Variants in SESTD1 observed in about 807,000 individuals in gnomAD.
The protein encoded by SESTD1 is SEC14 and spectrin domain containing 1.
A neutral mutation model predicts 101.7 loss-of-function variants in SESTD1; 43 were observed. The observed-to-expected ratio is 0.42, with a 90% CI of 0.33 to 0.55. The LOEUF (loss-of-function observed/expected upper bound fraction) is 0.55, where lower values mean the gene tolerates loss of function less well. Ranked by LOEUF, SESTD1 falls within the 20% of genes least tolerant of loss-of-function variation. The pLI is 0.07. For synonymous variants in SESTD1, 283 were observed against 286.8 expected (o/e 0.99, Z 0.13); for missense variants, 647 against 815.1 (o/e 0.79, Z 2.51).
intron 1 of SESTD1, among the ~76,000 whole-genome samples, chr2:179,198,711 T>C (rs1350241657): frequency 6.6e-6 from 1 of 151,358 alleles, no homozygotes; most frequent in Non-Finnish European, 1.5e-5. Context: ...GACTACTGGG[T>C]ACATAACGAA....
chr2:179,244,888 G>A (rs1484718302), intron 1 of SESTD1, among the ~76,000 whole-genome samples: 1 of 152,170 alleles, frequency 6.6e-6, no homozygotes, highest in Non-Finnish European at 1.5e-5. Context: ...TATTACAAAT[G>A]GGGTAAAGAG....
intron 1 of SESTD1, among the ~76,000 whole-genome samples, chr2:179,196,140 G>A (rs28838656): frequency 0.28 from 43,256 of 152,156 alleles, 6,429 homozygotes; most frequent in South Asian, 0.43. Flanking sequence ...ATTGCCTCAC[G>A]CAGGAAGCGC....
At chr2:179,160,761 A>C (rs2045720200) in intron 5 of SESTD1, among the ~76,000 whole-genome samples, 1 of 151,954 alleles carries the variant, frequency 6.6e-6, no homozygotes, top group Admixed American at 6.6e-5. Flanking sequence ...CTAAATCACT[A>C]TTTCCCAGTT....
chr2:179,257,229 A>AT (rs2047410890), intron 1 of SESTD1, among the ~76,000 whole-genome samples: 1 of 152,132 alleles, frequency 6.6e-6, no homozygotes. Flanking sequence ...TGAAAAAAAA[A>AT]GAAAAAGGCA....
chr2:179,154,155 T>C (rs1321258079), intron 5 of SESTD1, among the ~76,000 whole-genome samples: 1 of 151,436 alleles, frequency 6.6e-6, no homozygotes, highest in African/African-American at 2.4e-5. Context: ...ACCACTTGTT[T>C]CCAGGAGTTA....
Position 179,109,956 on chromosome 2 carries a change from T to C in SESTD1, c.2034A>G (p.Leu678=), listed in dbSNP as rs1289127911. 2 of 1,613,976 alleles carry C rather than the reference T, an allele frequency of 1.2e-6. No individual in the cohort carries two copies. The highest frequency in any genetic ancestry group is 1.7e-6 in the Non-Finnish European group (2 of 1,179,904). The change falls in exon 18 of 18, where the codon CTA becomes CTG. Residue 678 remains leucine (L), a synonymous_variant. Coordinates refer to ENST00000428443, the MANE Select transcript of SESTD1 (RefSeq NM_178123.5). ...TCAGCTGCTGCCTTTTGAGATTAAC[T>C]AGTTTCATCCTGTCTCTGATGTTTT... The part of the protein sequence containing the change: ...TAENIRDRMK[L]VNLKRQQLRH...
At chr2:179,161,688 T>C (rs527511588) in intron 5 of SESTD1, among the ~76,000 whole-genome samples, 3 of 151,760 alleles carry the variant, frequency 2.0e-5, no homozygotes, top group African/African-American at 4.8e-5. Flanking sequence ...TATTATGCCA[T>C]CAAAAATACA....
rs1419433090 is a variant in SESTD1 at position 179,204,833 on chromosome 2, A to C, written c.-25-12967T>G. ...TTGACCTCAGGGACTCCTGAAAGCT[A>C]GAAACAAGAGAACTACTGATCTCAG... is the stretch of plus-strand genomic sequence containing the variant. On this transcript the variant is annotated intron_variant, in intron 1 of 17. Transcript: ENST00000428443. Among the ~76,000 whole-genome samples, 3 of 134,318 alleles carry C rather than the reference A, an allele frequency of 2.2e-5. 1 individual carries two copies. The highest frequency in any genetic ancestry group is 2.2e-4 in the Admixed American group (3 of 13,804). 88.1% of individuals were successfully genotyped at this position (134,318 alleles called of 152,430 possible).
At chr2:179,188,535 G>A (rs184584602) in intron 2 of SESTD1, among the ~76,000 whole-genome samples, 127 of 152,202 alleles carry the variant, frequency 8.3e-4, no homozygotes, top group Admixed American at 2.2e-3. Flanking sequence ...CTAATTGTCA[G>A]GGCTGAGGCT....
intron 5 of SESTD1, among the ~76,000 whole-genome samples, chr2:179,162,166 G>A (rs1170136040): frequency 6.6e-6 from 1 of 151,968 alleles, no homozygotes; most frequent in Non-Finnish European, 1.5e-5. Flanking sequence ...ATTTCCAGCT[G>A]AGTGATAAAT....
chr2:179,254,965 G>A (rs959033576), intron 1 of SESTD1, among the ~76,000 whole-genome samples: 1 of 152,050 alleles, frequency 6.6e-6, no homozygotes, highest in Non-Finnish European at 1.5e-5. Context: ...TATTATATCT[G>A]TTATGGTGAT....
chr2:179,212,189 G>C (rs187948403), intron 1 of SESTD1, among the ~76,000 whole-genome samples: 1 of 133,952 alleles, frequency 7.5e-6, no homozygotes, highest in African/African-American at 3.0e-5. Context: ...GAAGCAGGGC[G>C]GGGAGTTGCT....
rs750777183 is a variant in SESTD1 at position 179,117,536 on chromosome 2, G to A, written c.1520C>T (p.Ala507Val). 2 of 1,571,424 alleles carry A rather than the reference G, an allele frequency of 1.3e-6. No homozygotes were observed. The highest frequency in any genetic ancestry group is 1.7e-6 in the Non-Finnish European group (2 of 1,165,144). The change falls in exon 14 of 18, where the codon GCC (alanine) becomes GTC (valine). Residue 507 changes from alanine (A) to valine (V), a missense_variant. By Grantham distance (64) the Ala-to-Val change is moderately conservative (BLOSUM62 0). Coordinates refer to ENST00000428443, the MANE Select transcript of SESTD1 (RefSeq NM_178123.5). Reference protein sequence around the residue: ...VQLFKCEEDAAQAVEWLSELL... With the variant: ...VQLFKCEEDAVQAVEWLSELL... ...ATGTAGCTGACTGCTCCTTACCTGG[G>A]CAGCATCTTCTTCACATTTAAACAA... is the stretch of plus-strand genomic sequence containing the variant.
At position 179,183,126 on chromosome 2, in the gene SESTD1, T is replaced by C; in HGVS notation, c.118A>G (p.Met40Val). 2 of 1,612,344 alleles carry C rather than the reference T, an allele frequency of 1.2e-6. No individual in the cohort carries two copies. The highest frequency in any genetic ancestry group is 3.3e-5 in the Admixed American group (2 of 59,754). The change falls in exon 3 of 18, where the codon ATG (methionine) becomes GTG (valine). Residue 40 changes from methionine to valine, a missense_variant. This residue lies in a region of SESTD1 where 168 missense variants were observed against 235.1 expected (regional missense o/e 0.71). Transcript: ENST00000428443. ...TCTAAGGTGACACTCAGCTCATCCA[T>C]ATTTGTCTGTTCGAGGCATAATGGA... is the stretch of plus-strand genomic sequence containing the variant. Reference protein sequence around the residue: ...TIPLCLEQTNMDELSVTLDYL... With the variant: ...TIPLCLEQTNVDELSVTLDYL...
chr2:179,123,474 C>T (rs1373949147), intron 12 of SESTD1, among the ~76,000 whole-genome samples: 1 of 152,094 alleles, frequency 6.6e-6, no homozygotes, highest in Admixed American at 6.5e-5. Flanking sequence ...GTAGATATAG[C>T]TGGGTAAACA....
chr2:179,126,648 G>A lies in SESTD1; in HGVS notation c.973-2090C>T, dbSNP rs569570383. Among the ~76,000 whole-genome samples, 3 of 152,076 alleles carry A rather than the reference G, an allele frequency of 2.0e-5. No homozygotes were observed. In the East Asian group the frequency reaches 5.8e-4, roughly 29 times the overall value. ...ATATAGGCTCTAAATACATCTATAG[G>A]CTAAGAATTACCAAATTAATCATCA... On this transcript the variant is annotated intron_variant, in intron 10 of 17. Transcript: ENST00000428443.
At chr2:179,249,213 A>G (rs1178529517) in intron 1 of SESTD1, among the ~76,000 whole-genome samples, 1 of 47,892 alleles carries the variant, frequency 2.1e-5, no homozygotes, top group Non-Finnish European at 3.5e-5. Flanking sequence ...CATACAGATT[A>G]AAAAAAAAAA....
chr2:179,212,612 G>T (rs1490283726), intron 1 of SESTD1, among the ~76,000 whole-genome samples: 1 of 136,122 alleles, frequency 7.3e-6, no homozygotes, highest in Non-Finnish European at 1.6e-5. Context: ...ACAAGTCCCT[G>T]TCTGACAGCT....
chr2:179,182,934 A>T, intron 3 of SESTD1, 146 bp downstream of exon 3: 1 of 507,024 alleles, frequency 2.0e-6, no homozygotes, highest in Non-Finnish European at 3.4e-6. Flanking sequence ...ATGATGTTAT[A>T]AGTCATTGAT....
Sources: gnomAD v4.1 joint callset for allele counts (sites outside exome capture counted in the v4.1 genomes callset) on GRCh38, gnomAD v4.1.1 for gene constraint, gnomAD v4.1.1 regional missense constraint, MANE v1.5 for transcripts, NCBI Gene and HGNC (gene_info 2026-07-23, HGNC 2026-07-21) for gene names.